CTNNA1: variants seen among roughly 807,000 people sequenced by gnomAD.
CTNNA1 encodes catenin alpha-1.
A neutral mutation model predicts 98.4 loss-of-function variants in CTNNA1; 37 were observed. The ratio of observed to expected loss-of-function variants is 0.38; its 90% CI spans 0.29 to 0.49. The LOEUF (loss-of-function observed/expected upper bound fraction) is 0.49. CTNNA1 is among the 20% of genes least tolerant of loss of function. The pLI, the probability that CTNNA1 is intolerant of heterozygous loss-of-function variation, is 0.95. For synonymous variants in CTNNA1, 404 were observed against 413.2 expected (o/e 0.98, Z 0.27); for missense variants, 761 against 1,147.2 (o/e 0.66, Z 4.86).
intron 7 of CTNNA1, among the ~76,000 whole-genome samples, chr5:138,884,433 A>T (rs1362361614): frequency 6.6e-6 from 1 of 152,202 alleles, no homozygotes; most frequent in Admixed American, 6.5e-5. Flanking sequence ...ATCAGGAAAA[A>T]ACCTAGAAAG....
At chr5:138,879,194 AAAG>A (rs1390593021) in intron 7 of CTNNA1, among the ~76,000 whole-genome samples, 2 of 151,230 alleles carry the variant, frequency 1.3e-5, no homozygotes, top group Non-Finnish European at 2.9e-5. Flanking sequence ...AAAAAAAAAA[AAAG>A]CCATTTTTAG....
intron 1 of CTNNA1, among the ~76,000 whole-genome samples, chr5:138,765,658 G>T (rs1265989866): frequency 6.6e-6 from 1 of 151,998 alleles, no homozygotes; most frequent in African/African-American, 2.4e-5. Context: ...TAGCTGATAG[G>T]TAAGAATTGG....
intron 9 of CTNNA1, among the ~76,000 whole-genome samples, chr5:138,890,223 C>G (rs1388759827): frequency 1.3e-5 from 2 of 152,166 alleles, no homozygotes; most frequent in African/African-American, 4.8e-5. Flanking sequence ...GACATTGCAG[C>G]CACTGAGAAG....
Position 138,924,540 on chromosome 5 carries a change from G to A in CTNNA1, c.1577G>A (p.Cys526Tyr). Residue 526 changes from cysteine to tyrosine, a missense_variant, in exon 12 of 18, where the codon TGT becomes TAT. This residue lies in a region of CTNNA1 where 287 missense variants were observed against 436.0 expected (regional missense o/e 0.66). Transcript: ENST00000302763. ...ENHILEDVNKCVIALQEKDVD... is the reference protein window; with the variant it reads ...ENHILEDVNKYVIALQEKDVD... ...CACATTTTGGAAGATGTGAACAAAT[G>A]TGTCATTGCTCTCCAAGAGAAGGAT... 1 of 1,614,190 alleles carries A rather than the reference G, an allele frequency of 6.2e-7. No individual in the cohort carries two copies. Among genetic ancestry groups the A allele is most frequent in the Non-Finnish European group, 8.5e-7 (1 of 1,180,034 alleles).
chr5:138,907,311 C>T (rs545018930), intron 10 of CTNNA1, among the ~76,000 whole-genome samples: 3 of 152,306 alleles, frequency 2.0e-5, no homozygotes, highest in East Asian at 3.9e-4. Context: ...TGAGCCACCA[C>T]GCCCGGCCCC....
At chr5:138,766,453 T>TG (rs1249943157) in intron 1 of CTNNA1, among the ~76,000 whole-genome samples, 1 of 148,312 alleles carries the variant, frequency 6.7e-6, no homozygotes, top group East Asian at 2.0e-4. Context: ...CATGTTTTGT[T>TG]TTTTTTTTTT....
chr5:138,931,817 G>T (rs1357176168), intron 16 of CTNNA1: 1 of 985,378 alleles, frequency 1.0e-6, no homozygotes, highest in African/African-American at 1.7e-5. Context: ...GGTCTGCGGG[G>T]TCTCAGTTCA....
Position 138,934,402 on chromosome 5 carries a change from G to A in CTNNA1, c.*313G>A, listed in dbSNP as rs1290030863. ...AAGCCGAGATGCCCATTCTCTTAGT[G>A]ATGGCGGCGTTAGGGTTTGAGAGAA... On this transcript the variant is annotated 3_prime_UTR_variant, in exon 18 of 18. Transcript: ENST00000302763. 2.7e-5 allele frequency: 8 copies of A among 296,602 alleles called. No individual in the cohort carries two copies. In the East Asian group the frequency reaches 6.5e-4, roughly 24 times the overall value. The allele number at this position is 296,602 out of a possible 1,614,324, so 18.4% of individuals were successfully genotyped here.
At chr5:138,841,898 A>G (rs1762305376) in intron 7 of CTNNA1, among the ~76,000 whole-genome samples, 1 of 152,220 alleles carries the variant, frequency 6.6e-6, no homozygotes, top group Admixed American at 6.5e-5. Context: ...CGTCCTTTAA[A>G]TTTAACACTG....
Position 138,834,479 on chromosome 5 carries a change from A to G in CTNNA1, c.1062+6761A>G, listed in dbSNP as rs1014984258. Among the ~76,000 whole-genome samples, 4 of 152,160 alleles carry G rather than the reference A, an allele frequency of 2.6e-5. No individual in the cohort carries two copies. In the South Asian group the frequency reaches 6.2e-4, roughly 24 times the overall value. On this transcript the variant is annotated intron_variant, in intron 7 of 17. Coordinates refer to ENST00000302763, the MANE Select transcript of CTNNA1 (RefSeq NM_001903.5). ...TGCTGAGAGACATTTTATCCCCATA[A>G]TAACCCTATTGAGTTGATAATTGCT...
chr5:138,932,799 C>T, intron 17 of CTNNA1, 87 bp downstream of exon 17: 1 of 1,514,682 alleles, frequency 6.6e-7, no homozygotes, highest in South Asian at 1.1e-5. Context: ...CGCATAAACA[C>T]CTGCCCTGGG....
chr5:138,816,771 A>G (rs1016008219), intron 5 of CTNNA1, among the ~76,000 whole-genome samples: 6 of 150,996 alleles, frequency 4.0e-5, no homozygotes, highest in African/African-American at 1.5e-4. Context: ...TGCAATCTCG[A>G]CTCACTGCAA....
chr5:138,765,973 G>T (rs1396330613), intron 1 of CTNNA1, among the ~76,000 whole-genome samples: 1 of 144,120 alleles, frequency 6.9e-6, no homozygotes, highest in Non-Finnish European at 1.5e-5. Flanking sequence ...AAAAAAAAAG[G>T]CAGTTTATAC....
intron 7 of CTNNA1, among the ~76,000 whole-genome samples, chr5:138,840,165 A>G (rs574837833): frequency 3.3e-5 from 5 of 152,346 alleles, no homozygotes; most frequent in African/African-American, 1.2e-4. Context: ...CCTTGGAACA[A>G]AAGAACAGAA....
At chr5:138,867,109 T>C (rs73263474) in intron 7 of CTNNA1, among the ~76,000 whole-genome samples, 161 of 152,374 alleles carry the variant, frequency 1.1e-3, no homozygotes, top group African/African-American at 3.6e-3. Context: ...TGCTTTTAAC[T>C]CTATCAAGTA....
intron 9 of CTNNA1, among the ~76,000 whole-genome samples, chr5:138,902,573 C>T (rs1383960404): frequency 6.6e-6 from 1 of 152,204 alleles, no homozygotes; most frequent in African/African-American, 2.4e-5. Flanking sequence ...GCGCCTGCCA[C>T]CACGCCCGGC....
chr5:138,910,289 T>C (rs954323347), intron 10 of CTNNA1, among the ~76,000 whole-genome samples: 14 of 149,738 alleles, frequency 9.3e-5, no homozygotes, highest in Non-Finnish European at 1.6e-4. Context: ...TAGTTCTTTG[T>C]ATGTTTGGGA....
chr5:138,840,987 A>C (rs546406051), intron 7 of CTNNA1, among the ~76,000 whole-genome samples: 1 of 152,282 alleles, frequency 6.6e-6, no homozygotes, highest in South Asian at 2.1e-4. Context: ...TTGAGTTTCC[A>C]AACTGTCCTT....
intron 7 of CTNNA1, among the ~76,000 whole-genome samples, chr5:138,877,349 T>A (rs181422610): frequency 1.1e-4 from 16 of 152,312 alleles, no homozygotes; most frequent in African/African-American, 3.4e-4. Context: ...CTACAGGGTC[T>A]CTCACCCTAG....
Sources: gnomAD v4.1 joint callset for allele counts (sites outside exome capture counted in the v4.1 genomes callset) on GRCh38, gnomAD v4.1.1 for gene constraint, gnomAD v4.1.1 regional missense constraint, MANE v1.5 for transcripts, NCBI Gene and HGNC (gene_info 2026-07-23, HGNC 2026-07-21) for gene names.